The following FLNB variants were observed in gnomAD, a reference collection of about 807,000 sequenced individuals.
FLNB encodes the protein filamin-B.
Under a neutral mutation model 250.6 loss-of-function variants are expected in FLNB, and 111 were observed. That is an observed-to-expected ratio of 0.44 (90% CI 0.38 to 0.52). FLNB has a LOEUF of 0.52. FLNB is among the 20% of genes least tolerant of loss of function. FLNB has a pLI of 0.00. For missense variants in FLNB, 2,869 were observed against 3,447.8 expected (o/e 0.83, Z 4.20); for synonymous variants, 1,302 against 1,372.1 (o/e 0.95, Z 1.13).
chr3:58,065,967 A>G (rs1351777983), intron 1 of FLNB, among the ~76,000 whole-genome samples: 1 of 152,214 alleles, frequency 6.6e-6, no homozygotes, highest in Non-Finnish European at 1.5e-5. Context: ...TCCAGAGCTC[A>G]TGCTGGGCTT....
chr3:58,097,617 C>T (rs1314957620), intron 6 of FLNB, among the ~76,000 whole-genome samples, 198 bp from the exon 7 acceptor site: 2 of 152,124 alleles, frequency 1.3e-5, no homozygotes, highest in African/African-American at 4.8e-5. Flanking sequence ...GTCCCAGACC[C>T]AGCTGTATGG....
At chr3:58,016,874 G>A (rs1434257902) in intron 1 of FLNB, among the ~76,000 whole-genome samples, 1 of 152,176 alleles carries the variant, frequency 6.6e-6, no homozygotes, top group African/African-American at 2.4e-5. Context: ...CTTTTATAAT[G>A]ATTACAGTTG....
Position 58,109,613 on chromosome 3 carries a change from A to C in FLNB, c.2237A>C (p.Lys746Thr), listed in dbSNP as rs768861338. ...CAAGGTAGCCATCCTCAGAAGGTCAAAGTGTTTGGGCCAGGTGTGGAGAGA... is the reference window on the plus strand; with the variant it reads ...CAAGGTAGCCATCCTCAGAAGGTCACAGTGTTTGGGCCAGGTGTGGAGAGA... Reference protein sequence around the residue: ...IGQGSHPQKVKVFGPGVERSG... With the variant: ...IGQGSHPQKVTVFGPGVERSG... Residue 746 changes from lysine (K) to threonine (T), a missense_variant, in exon 15 of 46, where the codon AAA becomes ACA. Transcript: ENST00000295956. 25 of 1,614,062 alleles carry C rather than the reference A, an allele frequency of 1.5e-5. No homozygotes were observed. The highest frequency in any genetic ancestry group is 1.7e-5 in the Admixed American group (1 of 60,004).
At chr3:58,009,757 G>A (rs1308326791) in intron 1 of FLNB, among the ~76,000 whole-genome samples, 1 of 152,184 alleles carries the variant, frequency 6.6e-6, no homozygotes, top group Non-Finnish European at 1.5e-5. Context: ...TTAGAAGGAG[G>A]CTTTGTTTTC....
intron 1 of FLNB, among the ~76,000 whole-genome samples, chr3:58,056,248 C>T (rs995113224): frequency 6.6e-6 from 1 of 151,158 alleles, no homozygotes; most frequent in Non-Finnish European, 1.5e-5. Context: ...ATTACAGGCG[C>T]CCACCACCAT....
intron 1 of FLNB, among the ~76,000 whole-genome samples, chr3:58,064,758 A>G (rs1034656132): frequency 6.6e-6 from 1 of 152,018 alleles, no homozygotes. Flanking sequence ...CATGCCTGTA[A>G]TCCCAGCACT....
intron 39 of FLNB, 199 bp from the exon 40 acceptor site, chr3:58,154,592 G>A (rs1202061683): frequency 8.7e-6 from 5 of 573,716 alleles, no homozygotes; most frequent in Non-Finnish European, 1.6e-5. Context: ...CAGATGTCCT[G>A]TGAATTTAGT....
intron 25 of FLNB, chr3:58,132,565 G>A: frequency 1.7e-6 from 1 of 577,534 alleles, no homozygotes; most frequent in Non-Finnish European, 3.1e-6. Flanking sequence ...ATACTCTAGG[G>A]CAGACTGAGT....
chr3:58,134,538 A>C (rs2097312970), intron 26 of FLNB, 78 bp from the exon 27 acceptor site: 2 of 1,524,710 alleles, frequency 1.3e-6, no homozygotes, highest in Non-Finnish European at 9.1e-7. Context: ...TCCCACTCTT[A>C]TGTGTAAGAA....
intron 1 of FLNB, among the ~76,000 whole-genome samples, chr3:58,033,637 C>T (rs984638876): frequency 3.9e-5 from 6 of 152,046 alleles, no homozygotes; most frequent in South Asian, 4.2e-4. Flanking sequence ...GGTGATCACC[C>T]GCCTTGGCCT....
intron 3 of FLNB, among the ~76,000 whole-genome samples, chr3:58,080,966 G>T (rs2097208468): frequency 6.6e-6 from 1 of 151,276 alleles, no homozygotes; most frequent in Non-Finnish European, 1.5e-5. Context: ...GCTAATTTTT[G>T]TATTTTTAGT....
intron 36 of FLNB, chr3:58,149,618 G>A: frequency 1.7e-6 from 1 of 591,762 alleles, no homozygotes; most frequent in South Asian, 2.0e-5. Context: ...TATCCTTAAG[G>A]AAAGGCTTCT....
chr3:58,056,753 G>C (rs537749587), intron 1 of FLNB, among the ~76,000 whole-genome samples: 21 of 151,958 alleles, frequency 1.4e-4, no homozygotes, highest in African/African-American at 4.6e-4. Flanking sequence ...ACCATACCCA[G>C]CTAATTTTTG....
Position 58,100,373 on chromosome 3 carries a change from A to AAAAATATATATATATATATATATAT in FLNB, c.1345+1466_1345+1467insAAATATATATATATATATATATATA. 1.3e-3 allele frequency among the ~76,000 whole-genome samples: 135 copies of AAAAATATATATATATATATATATAT among 104,340 alleles called. 1 individual carries two copies. The highest frequency in any genetic ancestry group is 5.4e-3 in the East Asian group (16 of 2,954). The allele number at this position is 104,340 out of a possible 152,430, so 68.5% of individuals were successfully genotyped here. A position where few individuals can be genotyped will look rare whatever the true frequency, so the allele number is the denominator to read the frequency against. ...AATGATTTTACATATGTAAAAAAAA[A>AAAAATATATATATATATATATATAT]ATATATATATATTTGCAGGGGCGCG... On this transcript the variant is annotated intron_variant, in intron 8 of 45. Transcript: ENST00000295956.
chr3:58,168,596 T>C lies in FLNB; in HGVS notation c.7355T>C (p.Ile2452Thr), dbSNP rs746154157. ...YTPMAPGNYL[I>T]SVKYGGPNHI... ...CCCATGGCTCCTGGTAACTACCTGATCAGCGTCAAATACGGTGGGCCCAAC... is the reference window on the plus strand; with the variant it reads ...CCCATGGCTCCTGGTAACTACCTGACCAGCGTCAAATACGGTGGGCCCAAC... The change falls in exon 44 of 46, where the codon ATC becomes ACC. Residue 2452 changes from isoleucine (I) to threonine (T), a missense_variant. Ile to Thr is a moderately conservative substitution (Grantham distance 89). This residue lies in a region of FLNB where 1,084 missense variants were observed against 1,315.5 expected (regional missense o/e 0.82). Coordinates refer to ENST00000295956, the MANE Select transcript of FLNB (RefSeq NM_001457.4). 1.9e-6 allele frequency: 3 copies of C among 1,614,204 alleles called. No individual in the cohort carries two copies. In the South Asian group the frequency reaches 3.3e-5, roughly 18 times the overall value.
intron 32 of FLNB, 27 bp from the exon 33 acceptor site, chr3:58,145,893 AT>A (rs2097335109): frequency 1.2e-6 from 2 of 1,613,860 alleles, no homozygotes; most frequent in African/African-American, 2.7e-5. Context: ...ATGAGCACCA[AT>A]TTTGTTTGTG....
intron 1 of FLNB, among the ~76,000 whole-genome samples, chr3:58,063,652 A>G (rs2097181491): frequency 6.6e-6 from 1 of 152,130 alleles, no homozygotes; most frequent in Non-Finnish European, 1.5e-5. Context: ...CTTGGTTCCT[A>G]CTCAAGACTT....
At chr3:58,138,872 C>T (rs9865725) in intron 29 of FLNB, among the ~76,000 whole-genome samples, 1,582 of 152,296 alleles carry the variant, frequency 0.01, 33 homozygotes, top group East Asian at 0.061. Context: ...GGTTTTTAAC[C>T]GGCCAGCTCT....
intron 8 of FLNB, among the ~76,000 whole-genome samples, chr3:58,099,803 G>A (rs2097246349): frequency 6.6e-6 from 1 of 152,050 alleles, no homozygotes; most frequent in Admixed American, 6.6e-5. Context: ...AGCTGGGCCC[G>A]TGTTCTGTGT....
Sources: allele counts gnomAD v4.1 joint callset (sites outside exome capture counted in the v4.1 genomes callset), GRCh38; gene constraint gnomAD v4.1.1; regional missense constraint gnomAD v4.1.1; transcripts MANE v1.5; gene names NCBI Gene and HGNC (gene_info 2026-07-23, HGNC 2026-07-21).